Variants in FILIP1L observed in about 807,000 individuals in gnomAD.
The protein encoded by FILIP1L is filamin A-interacting protein 1-like.
A neutral mutation model predicts 96.6 loss-of-function variants in FILIP1L; 55 were observed. That is an observed-to-expected ratio of 0.57 (90% CI 0.46 to 0.71). The LOEUF is 0.71. Ranked by LOEUF, FILIP1L falls within the 30% of genes least tolerant of loss-of-function variation. FILIP1L has a pLI of 0.00. For missense variants in FILIP1L, 1,304 were observed against 1,321.2 expected, an observed-to-expected ratio of 0.99 and a Z score of 0.20; for synonymous variants, 467 against 473.9, an observed-to-expected ratio of 0.99 and a Z score of 0.19.
intron 1 of FILIP1L, among the ~76,000 whole-genome samples, chr3:100,014,842 A>T (rs1417022889): frequency 2.8e-3 from 79 of 28,250 alleles, no homozygotes; most frequent in Admixed American, 3.6e-3. Context: ...AAAACTTTTT[A>T]TCTGATGCAA....
chr3:100,031,239 G>A (rs1225707086), intron 1 of FILIP1L, among the ~76,000 whole-genome samples: 1 of 152,120 alleles, frequency 6.6e-6, no homozygotes, highest in Non-Finnish European at 1.5e-5. Context: ...TTCTCTAGTG[G>A]AAATCAGGAT....
intron 1 of FILIP1L, among the ~76,000 whole-genome samples, chr3:99,994,856 A>T (rs1709628873): frequency 6.6e-6 from 1 of 152,200 alleles, no homozygotes; most frequent in Non-Finnish European, 1.5e-5. Flanking sequence ...CCACGAGAAC[A>T]GTATGGGAGA....
intron 4 of FILIP1L, among the ~76,000 whole-genome samples, chr3:99,862,555 C>T (rs1001968447): frequency 6.6e-6 from 1 of 152,178 alleles, no homozygotes. Context: ...GGGTGTTTAG[C>T]AGCATCCCTG....
At chr3:100,060,232 T>G (rs1330802184) in intron 1 of FILIP1L, among the ~76,000 whole-genome samples, 2 of 152,054 alleles carry the variant, frequency 1.3e-5, no homozygotes, top group African/African-American at 2.4e-5. Context: ...ATCTACTATT[T>G]TAGAAAATAA....
intron 1 of FILIP1L, among the ~76,000 whole-genome samples, chr3:99,991,115 T>TC (rs1407567933): frequency 6.6e-6 from 1 of 151,950 alleles, no homozygotes; most frequent in Non-Finnish European, 1.5e-5. Flanking sequence ...TCTTCCCATC[T>TC]CCCCCCATAA....
chr3:100,014,635 C>T (rs974214125), intron 1 of FILIP1L, among the ~76,000 whole-genome samples: 1 of 151,948 alleles, frequency 6.6e-6, no homozygotes, highest in African/African-American at 2.4e-5. Context: ...ATTTGGATGT[C>T]TTCTTTTGAG....
intron 1 of FILIP1L, among the ~76,000 whole-genome samples, chr3:100,050,688 G>C (rs955945741): frequency 6.6e-6 from 1 of 152,076 alleles, no homozygotes; most frequent in African/African-American, 2.4e-5. Context: ...GCGCCACCTT[G>C]CCTGGCTAAT....
chr3:99,881,033 G>A (rs1022876797), intron 4 of FILIP1L, among the ~76,000 whole-genome samples: 1 of 152,150 alleles, frequency 6.6e-6, no homozygotes, highest in Non-Finnish European at 1.5e-5. Context: ...ACTACTGCCT[G>A]TTGGCCCCCT....
intron 4 of FILIP1L, chr3:99,876,106 G>A (rs1244459143): frequency 4.1e-6 from 4 of 986,466 alleles, no homozygotes; most frequent in Non-Finnish European, 4.8e-6. Context: ...GCGGGGGCCG[G>A]GCCGGGGCCG....
In FILIP1L at chr3:99,849,414, T is replaced by A; in HGVS notation, c.2262A>T (p.Glu754Asp). ...CTCTTCCTAAATCTCTGTTCCTGTT[T>A]TCTTGTTGATTTAGTTTTTTTTGCA... Reference protein sequence around the residue: ...SVLQKKLNQQENRNRDLGREI... With the variant: ...SVLQKKLNQQDNRNRDLGREI... Residue 754 changes from glutamate to aspartate, a missense_variant, in exon 5 of 6, where the codon GAA (glutamate) becomes GAT (aspartate). Glu to Asp is a conservative substitution (Grantham distance 45, BLOSUM62 2). Coordinates refer to ENST00000477258, the MANE Select transcript of FILIP1L (RefSeq NM_001387850.1). The A allele has an allele frequency of 6.2e-7, 1 of 1,614,200 alleles. No individual in the cohort carries two copies. The highest frequency in any genetic ancestry group is 1.1e-5 in the South Asian group (1 of 91,088).
At chr3:100,054,070 A>G (rs2065420135) in intron 1 of FILIP1L, among the ~76,000 whole-genome samples, 3 of 152,200 alleles carry the variant, frequency 2.0e-5, no homozygotes, top group African/African-American at 7.2e-5. Flanking sequence ...ATCTTTTACC[A>G]CTTGAGCTTC....
At chr3:100,096,041 T>G (rs2107446139) in intron 1 of FILIP1L, among the ~76,000 whole-genome samples, 1 of 152,260 alleles carries the variant, frequency 6.6e-6, no homozygotes, top group Non-Finnish European at 1.5e-5. Flanking sequence ...TCATTGATCA[T>G]CAGAAAACTG....
intron 1 of FILIP1L, among the ~76,000 whole-genome samples, chr3:100,045,432 T>C (rs984159584): frequency 2.0e-5 from 3 of 152,242 alleles, no homozygotes; most frequent in Non-Finnish European, 2.9e-5. Context: ...AAAATATGTG[T>C]ATAAAATCGA....
At chr3:99,939,224 A>G (rs1249771034) in intron 1 of FILIP1L, among the ~76,000 whole-genome samples, 1 of 152,174 alleles carries the variant, frequency 6.6e-6, no homozygotes, top group East Asian at 1.9e-4. Flanking sequence ...AGTATTTTCC[A>G]TCATCACCTG....
intron 1 of FILIP1L, among the ~76,000 whole-genome samples, chr3:100,101,378 C>T (rs906452993): frequency 7.2e-5 from 11 of 152,002 alleles, no homozygotes; most frequent in Non-Finnish European, 1.0e-4. Context: ...TGATATTTGG[C>T]GGGAGGAGCA....
chr3:99,970,021 T>C (rs939770276), intron 1 of FILIP1L, among the ~76,000 whole-genome samples: 6 of 152,232 alleles, frequency 3.9e-5, no homozygotes, highest in African/African-American at 1.4e-4. Context: ...TAAAAAGGAA[T>C]AATCAGTTAG....
intron 1 of FILIP1L, among the ~76,000 whole-genome samples, chr3:100,054,490 T>TTGTTATGTTATGTTA (rs10668094): frequency 0.011 from 1,547 of 146,164 alleles, 9 homozygotes; most frequent in East Asian, 0.021. Flanking sequence ...ATGTTATGTT[T>TTGTTATGTTATGTTA]TGTTATGTTA....
At chr3:99,919,734 T>G (rs888528848) in intron 4 of FILIP1L, among the ~76,000 whole-genome samples, 2 of 152,112 alleles carry the variant, frequency 1.3e-5, no homozygotes, top group Admixed American at 6.5e-5. Flanking sequence ...CCTGTCATAA[T>G]AGAAAAGGAT....
At chr3:99,838,971 A>G (rs1402237097) in intron 5 of FILIP1L, among the ~76,000 whole-genome samples, 1 of 152,028 alleles carries the variant, frequency 6.6e-6, no homozygotes, top group Non-Finnish European at 1.5e-5. Flanking sequence ...ACCCTGCCCC[A>G]ACCATCTCAA....
Sources: allele counts gnomAD v4.1 joint callset (sites outside exome capture counted in the v4.1 genomes callset), GRCh38; gene constraint gnomAD v4.1.1; transcripts MANE v1.5; gene names NCBI Gene and HGNC (gene_info 2026-07-23, HGNC 2026-07-21).